Variants in CHLSN observed in about 807,000 individuals in gnomAD.
The protein encoded by CHLSN is cholesin, also known as protein cholesin.
the CHLSN span, among the ~76,000 whole-genome samples, chr7:1,100,571 T>C: frequency 2.0e-5 from 3 of 152,188 alleles, no homozygotes; most frequent in Non-Finnish European, 4.4e-5. Context: ...CAAGAAGCCA[T>C]GGCTGGAGGC....
chr7:1,039,615 G>A, the CHLSN span, among the ~76,000 whole-genome samples: 2 of 63,728 alleles, frequency 3.1e-5, no homozygotes, highest in Admixed American at 1.4e-4. Context: ...CTGCCCGGCC[G>A]CCCCTACTGG....
the CHLSN span, among the ~76,000 whole-genome samples, chr7:1,116,533 G>A: frequency 1.9e-5 from 1 of 51,884 alleles, no homozygotes; most frequent in Non-Finnish European, 3.5e-5. Flanking sequence ...TGCAGTTCTA[G>A]GACCGGCTTC....
At chr7:1,021,405 C>T in the CHLSN span, 4 of 985,320 alleles carry the variant, frequency 4.1e-6, no homozygotes, top group African/African-American at 1.7e-5. Context: ...GAACCAGAGT[C>T]GGAAGCTGAA....
chr7:1,004,784 C>A, the CHLSN span, among the ~76,000 whole-genome samples: 1 of 152,208 alleles, frequency 6.6e-6, no homozygotes, highest in Non-Finnish European at 1.5e-5. Flanking sequence ...TTTCTCTCTG[C>A]CTAGGTGGGG....
chr7:1,022,815 C>G, the CHLSN span: 17 of 308,908 alleles, frequency 5.5e-5, no homozygotes, highest in South Asian at 3.5e-4. Context: ...ATGCTCTCCC[C>G]CTTCCATGTT....
chr7:1,028,538 A>G, the CHLSN span: 2 of 984,808 alleles, frequency 2.0e-6, no homozygotes, highest in Non-Finnish European at 2.4e-6. Context: ...TGCTCCTCCG[A>G]CGAGGCTCTC....
At chr7:1,037,731 T>TCTGC in the CHLSN span, among the ~76,000 whole-genome samples, 1 of 61,166 alleles carries the variant, frequency 1.6e-5, no homozygotes, top group South Asian at 6.5e-4. Context: ...GAGGAGCCCC[T>TCTGC]CTGCCTGGCT....
At chr7:1,039,492 C>T in the CHLSN span, among the ~76,000 whole-genome samples, 2 of 64,132 alleles carry the variant, frequency 3.1e-5, no homozygotes, top group African/African-American at 2.0e-4. Flanking sequence ...GCCGCCCCTA[C>T]TGGGAAGTGA....
the CHLSN span, chr7:1,057,822 G>C: frequency 1.3e-6 from 1 of 777,378 alleles, no homozygotes; most frequent in Non-Finnish European, 2.4e-6. Context: ...CGAAGTCCAC[G>C]TGGCACTGCA....
chr7:1,053,547 G>A, the CHLSN span, among the ~76,000 whole-genome samples: 12 of 152,224 alleles, frequency 7.9e-5, no homozygotes, highest in African/African-American at 1.2e-4. Context: ...TGTACACCTC[G>A]CTGGGCATGG....
chr7:1,104,680 C>T, the CHLSN span, among the ~76,000 whole-genome samples: 5 of 152,168 alleles, frequency 3.3e-5, no homozygotes, highest in African/African-American at 7.2e-5. Context: ...AGACGTGAGC[C>T]GGGTGCCTGG....
the CHLSN span, among the ~76,000 whole-genome samples, chr7:1,022,257 G>A: frequency 2.0e-5 from 3 of 152,274 alleles, no homozygotes; most frequent in Admixed American, 6.5e-5. Context: ...ACCCACGGGC[G>A]CCTCCTGGAC....
the CHLSN span, among the ~76,000 whole-genome samples, chr7:982,290 C>A: frequency 6.6e-5 from 10 of 152,366 alleles, no homozygotes; most frequent in African/African-American, 1.9e-4. Context: ...GGGGTGAGGG[C>A]CTCAGGCTGC....
chr7:983,743 G>GC, the CHLSN span, among the ~76,000 whole-genome samples: 1 of 152,212 alleles, frequency 6.6e-6, no homozygotes, highest in Non-Finnish European at 1.5e-5. Context: ...TGCCTGCTCA[G>GC]CCCCCCTCGG....
At chr7:1,051,363 G>T in the CHLSN span, among the ~76,000 whole-genome samples, 1 of 152,238 alleles carries the variant, frequency 6.6e-6, no homozygotes, top group African/African-American at 2.4e-5. Flanking sequence ...GAGCCAGGCC[G>T]CCGAGGTTCT....
chr7:1,008,689 C>T, the CHLSN span, among the ~76,000 whole-genome samples: 2 of 152,142 alleles, frequency 1.3e-5, no homozygotes, highest in Admixed American at 6.5e-5. Flanking sequence ...AGCCAAGAGC[C>T]CCTCTCCTGT....
the CHLSN span, among the ~76,000 whole-genome samples, chr7:1,085,232 T>C: frequency 6.6e-6 from 1 of 152,270 alleles, no homozygotes; most frequent in Non-Finnish European, 1.5e-5. Context: ...CTTGAAGTTC[T>C]TTCCTTTTAT....
the CHLSN span, among the ~76,000 whole-genome samples, chr7:1,136,124 A>G: frequency 2.8e-4 from 23 of 80,718 alleles, no homozygotes; most frequent in Admixed American, 4.4e-4. Flanking sequence ...ACATAAATAT[A>G]TATAAATATA....
chr7:1,071,926 C>T, the CHLSN span, among the ~76,000 whole-genome samples: 1 of 152,228 alleles, frequency 6.6e-6, no homozygotes, highest in Non-Finnish European at 1.5e-5. Context: ...CGCACGGCCG[C>T]AGCACAGGCT....
Sources: allele counts gnomAD v4.1 joint callset (sites outside exome capture counted in the v4.1 genomes callset), GRCh38; gene constraint gnomAD v4.1.1; transcripts MANE v1.5; gene names NCBI Gene and HGNC (gene_info 2026-07-23, HGNC 2026-07-21).